FAF2: variants seen among roughly 807,000 people sequenced by gnomAD.
FAF2 encodes FAS-associated factor 2.
Under a neutral mutation model 62.3 loss-of-function variants are expected in FAF2, and 9 were observed. That is an observed-to-expected ratio of 0.14 (90% CI 0.09 to 0.25). The LOEUF (loss-of-function observed/expected upper bound fraction) is 0.25, where lower values mean the gene tolerates loss of function less well. FAF2 is among the 10% of genes least tolerant of loss of function. FAF2 has a pLI of 1.00. For missense variants in FAF2, 368 were observed against 556.2 expected (o/e 0.66, Z 3.40); for synonymous variants, 202 against 198.0 (o/e 1.02, Z -0.17).
chr5:176,470,299 C>T (rs748251029), intron 1 of FAF2, among the ~76,000 whole-genome samples: 7 of 152,208 alleles, frequency 4.6e-5, no homozygotes, highest in Non-Finnish European at 7.3e-5. Context: ...CTTTACCAGC[C>T]GGGTGCGGTG....
At chr5:176,500,193 T>C (rs1755570286) in intron 10 of FAF2, 47 bp downstream of exon 10, 1 of 1,589,568 alleles carries the variant, frequency 6.3e-7, no homozygotes, top group Non-Finnish European at 8.6e-7. Context: ...ATCTGGGCTA[T>C]AGATTTGGAG....
chr5:176,500,589 T>A (rs1755576044), intron 10 of FAF2, among the ~76,000 whole-genome samples: 1 of 152,164 alleles, frequency 6.6e-6, no homozygotes, highest in African/African-American at 2.4e-5. Context: ...ACTTGCAGTT[T>A]GGATGCAGTT....
chr5:176,492,978 A>G (rs72807261), intron 5 of FAF2, among the ~76,000 whole-genome samples: 9,023 of 152,252 alleles, frequency 0.059, 373 homozygotes, highest in Middle Eastern at 0.095. Context: ...AACCTCAGCC[A>G]TGTAGACCTT....
At chr5:176,497,183 C>T (rs915941703) in intron 8 of FAF2, among the ~76,000 whole-genome samples, 9 of 151,956 alleles carry the variant, frequency 5.9e-5, no homozygotes, top group Admixed American at 5.9e-4. Flanking sequence ...AAAGACAGGC[C>T]TCTGTGCTCA....
In FAF2 at chr5:176,494,254, A is replaced by G. The variant is rs755480159; in HGVS notation, c.640A>G (p.Asn214Asp). ...TRMLFWACSTNKPEGYRVSQA... is the reference protein window; with the variant it reads ...TRMLFWACSTDKPEGYRVSQA... ...GATGCTCTTCTGGGCATGCTCTACA[A>G]ACAAACCTGAGGGATACAGGGGTAA... The change falls in exon 7 of 11, where the codon AAC (asparagine) becomes GAC (aspartate). Residue 214 changes from asparagine (N) to aspartate (D), a missense_variant. Around this residue, in one of 2 missense-constraint regions of FAF2, gnomAD observed 331 missense variants for 441.9 expected, o/e 0.75. Transcript: ENST00000261942. The surrounding 1 kb of genome is among the most constrained non-coding windows in gnomAD (Gnocchi z 4.0). 6.2e-7 allele frequency: 1 copy of G among 1,613,812 alleles called. No homozygotes were observed.
rs938697453 is a variant in FAF2, at chr5:176,508,621, A to G, written c.*1671A>G. 6.6e-6 allele frequency: 1 copy of G among 152,220 alleles called. No individual in the cohort carries two copies. Among genetic ancestry groups the G allele is most frequent in the African/African-American group, 2.4e-5 (1 of 41,466 alleles). 9.4% of individuals were successfully genotyped at this position (152,220 alleles called of 1,614,324 possible). ...CCCAGTGGCCTTGGCATAGCTGTCT[A>G]GAACACCATCTCTAGGAAAATTTAA... On this transcript the variant is annotated 3_prime_UTR_variant, in exon 11 of 11. Transcript: ENST00000261942.
intron 4 of FAF2, among the ~76,000 whole-genome samples, chr5:176,489,952 T>C (rs563536864): frequency 6.6e-6 from 1 of 152,292 alleles, no homozygotes; most frequent in East Asian, 1.9e-4. Flanking sequence ...TCTTCTAGCT[T>C]CCTTCATGTA....
intron 10 of FAF2, among the ~76,000 whole-genome samples, chr5:176,505,917 T>TCAGCACTTTACGCCTGTAATCC: frequency 6.6e-6 from 1 of 151,956 alleles, no homozygotes; most frequent in Non-Finnish European, 1.5e-5. Flanking sequence ...GCCTGTAATC[T>TCAGCACTTTACGCCTGTAATCC]CAGCACTTTA....
chr5:176,476,571 A>G (rs1758694524), intron 1 of FAF2, among the ~76,000 whole-genome samples: 1 of 149,878 alleles, frequency 6.7e-6, no homozygotes. Context: ...CAATTTTGGT[A>G]TTTAGAGGAG....
At chr5:176,456,653 G>C (rs1758281513) in intron 1 of FAF2, among the ~76,000 whole-genome samples, 1 of 151,862 alleles carries the variant, frequency 6.6e-6, no homozygotes, top group Non-Finnish European at 1.5e-5. Flanking sequence ...TGTTCCACTG[G>C]TCTTCCCCTA....
At chr5:176,465,366 C>CT (rs70991554) in intron 1 of FAF2, among the ~76,000 whole-genome samples, 2,561 of 115,700 alleles carry the variant, frequency 0.022, 68 homozygotes, top group African/African-American at 0.074. Context: ...CTTTTTCTTT[C>CT]TTTTTTTTTT....
At chr5:176,452,998 G>A (rs1007672780) in intron 1 of FAF2, 13 of 152,076 alleles carry the variant, frequency 8.5e-5, no homozygotes, top group Non-Finnish European at 1.9e-4. Context: ...GAAATCTCAG[G>A]TTTCCTGTAT....
chr5:176,464,574 C>T (rs1276158875), intron 1 of FAF2, among the ~76,000 whole-genome samples: 1 of 149,436 alleles, frequency 6.7e-6, no homozygotes, highest in African/African-American at 2.5e-5. Flanking sequence ...CTCACTGTAG[C>T]CTCGACCTCC....
intron 1 of FAF2, among the ~76,000 whole-genome samples, chr5:176,467,129 C>CTTTTTTTTTTTTTTTTTTTTTTTTTT (rs374702773): frequency 1.1e-5 from 1 of 94,036 alleles, no homozygotes; most frequent in Non-Finnish European, 1.9e-5. Context: ...TTTTTTTTTC[C>CTTTTTTTTTTTTTTTTTTTTTTTTTT]TTTTTTTTTT....
intron 3 of FAF2, among the ~76,000 whole-genome samples, chr5:176,486,737 G>A (rs1758881118): frequency 6.6e-6 from 1 of 151,864 alleles, no homozygotes; most frequent in African/African-American, 2.4e-5. Flanking sequence ...GTTACAATTT[G>A]TTTACTCAAG....
At chr5:176,457,532 G>T (rs1758297101) in intron 1 of FAF2, among the ~76,000 whole-genome samples, 1 of 152,014 alleles carries the variant, frequency 6.6e-6, no homozygotes, top group Admixed American at 6.6e-5. Flanking sequence ...ACCATCTGAG[G>T]ATTATTTCAC....
chr5:176,461,899 CTAGGTTTTCTTGTAGGATT>C (rs1480273979), intron 1 of FAF2, among the ~76,000 whole-genome samples: 1 of 152,158 alleles, frequency 6.6e-6, no homozygotes, highest in Non-Finnish European at 1.5e-5. Context: ...AATGATACTA[CTAGGTTTTCTTGTAGGATT>C]TTTATAGTTT....
intron 1 of FAF2, among the ~76,000 whole-genome samples, chr5:176,472,992 A>G (rs969293517): frequency 6.6e-6 from 1 of 152,238 alleles, no homozygotes; most frequent in Non-Finnish European, 1.5e-5. Flanking sequence ...TTGTGAAGAT[A>G]ATATAGAAAA....
chr5:176,455,965 A>G (rs950338347), intron 1 of FAF2, among the ~76,000 whole-genome samples: 2 of 151,096 alleles, frequency 1.3e-5, no homozygotes, highest in Non-Finnish European at 2.9e-5. Flanking sequence ...TTGATTAGTT[A>G]TGGGTCTCAT....
Sources: allele counts gnomAD v4.1 joint callset (sites outside exome capture counted in the v4.1 genomes callset), GRCh38; gene constraint gnomAD v4.1.1; regional missense constraint gnomAD v4.1.1; non-coding constraint Gnocchi (gnomAD v3.1); transcripts MANE v1.5; gene names NCBI Gene and HGNC (gene_info 2026-07-23, HGNC 2026-07-21).